Variants in DCAF8L2 observed in about 807,000 individuals in gnomAD.
The protein encoded by DCAF8L2 is DDB1 and CUL4 associated factor 8 like 2.
For synonymous variants in DCAF8L2, 200 were observed against 190.9 expected (o/e 1.05, Z -0.39); for missense variants, 430 against 490.7 (o/e 0.88, Z 1.17).
chrX:27,676,258 A>G (rs1013816020), intron 2 of DCAF8L2, among the ~76,000 whole-genome samples: 5 of 111,592 alleles, frequency 4.5e-5, no homozygotes, highest in African/African-American at 1.6e-4. Context: ...CAAATATTTC[A>G]GGTACAATTA....
At chrX:27,501,571 G>C in the DCAF8L2 span, among the ~76,000 whole-genome samples, 1 of 111,484 alleles carries the variant, frequency 9.0e-6, no homozygotes, top group Admixed American at 9.6e-5. Context: ...TAGCTGATTA[G>C]AGAAATAAGC....
At chrX:27,573,603 A>G in the DCAF8L2 span, among the ~76,000 whole-genome samples, 1 of 111,430 alleles carries the variant, frequency 9.0e-6, no homozygotes, top group African/African-American at 3.3e-5. Context: ...AAATGAAGCA[A>G]TCTTTAGGCT....
At chrX:27,645,767 C>T (rs1928915419) in intron 2 of DCAF8L2, among the ~76,000 whole-genome samples, 1 of 110,619 alleles carries the variant, frequency 9.0e-6, no homozygotes, top group Non-Finnish European at 1.9e-5. Context: ...TCCTACACAC[C>T]AACAACAGAC....
chrX:27,698,551 A>G (rs983665764), intron 3 of DCAF8L2, among the ~76,000 whole-genome samples: 1 of 112,125 alleles, frequency 8.9e-6, no homozygotes, highest in Non-Finnish European at 1.9e-5. Flanking sequence ...TCATGTTGCT[A>G]CCATTTCACC....
chrX:27,715,131 GCCTGT>G (rs1931652157), intron 3 of DCAF8L2, among the ~76,000 whole-genome samples: 1 of 110,769 alleles, frequency 9.0e-6, no homozygotes, highest in Admixed American at 9.6e-5. Context: ...GGTGGCTCAT[GCCTGT>G]AATCCCAGCA....
At chrX:27,559,989 C>T in the DCAF8L2 span, among the ~76,000 whole-genome samples, 3 of 110,348 alleles carry the variant, frequency 2.7e-5, no homozygotes, top group African/African-American at 9.9e-5. Context: ...AAATGACAGC[C>T]GGGCACGGTG....
chrX:27,675,918 GC>G (rs1930123730), intron 2 of DCAF8L2, among the ~76,000 whole-genome samples: 1 of 112,124 alleles, frequency 8.9e-6, no homozygotes, highest in African/African-American at 3.2e-5. Context: ...AGAGTAATCC[GC>G]TGTCAAGGGA....
chrX:27,746,738 T>G (rs1336780558), intron 4 of DCAF8L2, 100 bp from the exon 5 acceptor site: 14 of 472,059 alleles, frequency 3.0e-5, no homozygotes, highest in Non-Finnish European at 4.5e-5. Context: ...GCAGAATAGT[T>G]TATTTAGTCT....
At chrX:27,528,474 G>GTATA in the DCAF8L2 span, among the ~76,000 whole-genome samples, 1 of 34,969 alleles carries the variant, frequency 2.9e-5, no homozygotes, top group East Asian at 1.8e-3. Context: ...TTATGTGTAT[G>GTATA]TGTATATATA....
the DCAF8L2 span, among the ~76,000 whole-genome samples, chrX:27,505,614 T>C: frequency 1.8e-5 from 2 of 111,729 alleles, no homozygotes; most frequent in East Asian, 5.6e-4. Flanking sequence ...CTGGTACTCA[T>C]ATCCCTGTGC....
chrX:27,675,440 G>A (rs1459132470), intron 2 of DCAF8L2, among the ~76,000 whole-genome samples: 2 of 112,085 alleles, frequency 1.8e-5, no homozygotes, highest in Non-Finnish European at 3.8e-5. Context: ...TTGTGAAAAT[G>A]CCGGACAAAG....
the DCAF8L2 span, among the ~76,000 whole-genome samples, chrX:27,543,137 T>C: frequency 2.2e-4 from 25 of 112,616 alleles, no homozygotes; most frequent in African/African-American, 7.7e-4. Context: ...TTTAAATCTT[T>C]AATTCATCTT....
intron 1 of DCAF8L2, among the ~76,000 whole-genome samples, chrX:27,613,710 C>G (rs1236397224): frequency 9.0e-6 from 1 of 111,214 alleles, no homozygotes. Flanking sequence ...TTGAGATAAT[C>G]ATGTGGTTTT....
chrX:27,492,970 G>A, the DCAF8L2 span, among the ~76,000 whole-genome samples: 4 of 111,703 alleles, frequency 3.6e-5, no homozygotes, highest in East Asian at 2.8e-4. Context: ...AGTGTCTCAC[G>A]CCTGTAATCT....
At position 27,684,053 on chromosome X, in the gene DCAF8L2, C is replaced by T. The variant is rs771044233; in HGVS notation, c.-143+6141C>T. ...AGAGTTCTTTGCATTAACTGCATGA[C>T]CTTTCATTGAATACCTTTTTTCATT... On this transcript the variant is annotated intron_variant, in intron 3 of 4. Transcript: ENST00000451261. 2.7e-5 allele frequency among the ~76,000 whole-genome samples: 3 copies of T among 112,484 alleles called. No individual in the cohort carries two copies. In the South Asian group the frequency reaches 1.1e-3, roughly 41 times the overall value.
At chrX:27,625,517 C>T (rs754615817) in intron 1 of DCAF8L2, among the ~76,000 whole-genome samples, 2 of 111,550 alleles carry the variant, frequency 1.8e-5, no homozygotes, top group African/African-American at 6.5e-5. Flanking sequence ...GAGTATGTAC[C>T]CAAAGGAATA....
chrX:27,490,144 C>G, the DCAF8L2 span, among the ~76,000 whole-genome samples: 2 of 111,998 alleles, frequency 1.8e-5, no homozygotes, highest in Admixed American at 9.5e-5. Context: ...GGCCACTGTT[C>G]CTGGCCTTAT....
the DCAF8L2 span, among the ~76,000 whole-genome samples, chrX:27,515,412 G>A: frequency 8.9e-6 from 1 of 111,844 alleles, no homozygotes; most frequent in African/African-American, 3.3e-5. Context: ...AGGCGTGGTG[G>A]TGCATGCCTG....
the DCAF8L2 span, among the ~76,000 whole-genome samples, chrX:27,498,941 T>A: frequency 8.9e-6 from 1 of 112,273 alleles, no homozygotes; most frequent in African/African-American, 3.2e-5. Context: ...TATGTGTGTG[T>A]GTGTATATCT....
Sources: gnomAD v4.1 joint callset for allele counts (sites outside exome capture counted in the v4.1 genomes callset) on GRCh38, gnomAD v4.1.1 for gene constraint, MANE v1.5 for transcripts, NCBI Gene and HGNC (gene_info 2026-07-23, HGNC 2026-07-21) for gene names.